The following CYP7B1 variants were observed in gnomAD, a reference collection of about 807,000 sequenced individuals.
CYP7B1 encodes cytochrome P450 family 7 subfamily B member 1, also known as cytochrome P450 7B1.
CYP7B1 carries 29 observed loss-of-function variants against 42.7 expected under a neutral mutation model. That is an observed-to-expected ratio of 0.68 (90% CI 0.51 to 0.93). The LOEUF is 0.93. CYP7B1 is among the 40% of genes least tolerant of loss of function. The pLI is 0.00. For synonymous variants in CYP7B1, 235 were observed against 218.2 expected (o/e 1.08, Z -0.68); for missense variants, 655 against 600.5 (o/e 1.09, Z -0.95).
chr8:64,720,145 A>AT (rs923043289), intron 1 of CYP7B1, among the ~76,000 whole-genome samples: 1 of 152,176 alleles, frequency 6.6e-6, no homozygotes, highest in Non-Finnish European at 1.5e-5. Flanking sequence ...ATAGCTAAGG[A>AT]TTTTTTAATG....
At chr8:64,628,478 TC>T (rs1472873874) in intron 1 of CYP7B1, among the ~76,000 whole-genome samples, 2 of 151,908 alleles carry the variant, frequency 1.3e-5, no homozygotes, top group Non-Finnish European at 2.9e-5. Flanking sequence ...AAAACCTTTC[TC>T]TACTAAAACT....
chr8:64,681,297 C>T (rs1007866457), intron 1 of CYP7B1, among the ~76,000 whole-genome samples: 14 of 152,130 alleles, frequency 9.2e-5, no homozygotes, highest in African/African-American at 2.4e-4. Context: ...CCAGTCGTCA[C>T]GGAGTGTGTC....
rs1227608079 is a variant in CYP7B1 at position 64,591,379 on chromosome 8, A to G, written c.*5263T>C. Among the ~76,000 whole-genome samples the G allele has an allele frequency of 1.3e-5, 2 of 152,222 alleles. No individual in the cohort carries two copies. Among genetic ancestry groups the G allele is most frequent in the Admixed American group, 6.5e-5 (1 of 15,284 alleles). The stretch of plus-strand genomic sequence containing the variant: ...ATCTAATTATGCAATACAAGTAAAC[A>G]ATAGTTTGCAAGATTGGCAAATTTA... On this transcript the variant is annotated 3_prime_UTR_variant, in exon 6 of 6. Transcript: ENST00000310193.
chr8:64,619,451 T>G (rs1035872253), intron 2 of CYP7B1, among the ~76,000 whole-genome samples: 1 of 152,182 alleles, frequency 6.6e-6, no homozygotes, highest in South Asian at 2.1e-4. Flanking sequence ...AATATTGATT[T>G]AAAGAATTTC....
chr8:64,613,007 T>C (rs1277626673), intron 4 of CYP7B1, among the ~76,000 whole-genome samples: 2 of 152,170 alleles, frequency 1.3e-5, no homozygotes, highest in Non-Finnish European at 2.9e-5. Flanking sequence ...TAAAACCTTC[T>C]ATCTTTTGAA....
At chr8:64,791,757 A>C (rs1804622228) in intron 1 of CYP7B1, among the ~76,000 whole-genome samples, 1 of 152,326 alleles carries the variant, frequency 6.6e-6, no homozygotes, top group South Asian at 2.1e-4. Context: ...ACTAATATAG[A>C]TTTGTGGTAC....
intron 4 of CYP7B1, among the ~76,000 whole-genome samples, chr8:64,614,017 G>C (rs1468833586): frequency 6.6e-6 from 1 of 152,116 alleles, no homozygotes; most frequent in Non-Finnish European, 1.5e-5. Context: ...TAAAGAAACA[G>C]AAATATGTGA....
At chr8:64,750,268 T>A (rs1807707103) in intron 1 of CYP7B1, among the ~76,000 whole-genome samples, 1 of 152,200 alleles carries the variant, frequency 6.6e-6, no homozygotes, top group African/African-American at 2.4e-5. Flanking sequence ...TTTACCTCAC[T>A]TTAAAGAGTA....
At chr8:64,688,794 G>A (rs1053127645) in intron 1 of CYP7B1, among the ~76,000 whole-genome samples, 1 of 152,148 alleles carries the variant, frequency 6.6e-6, no homozygotes, top group Non-Finnish European at 1.5e-5. Flanking sequence ...AAGCACACTG[G>A]TGTGCACCTG....
At chr8:64,798,078 AAC>A (rs1228548515) in intron 1 of CYP7B1, among the ~76,000 whole-genome samples, 1 of 152,200 alleles carries the variant, frequency 6.6e-6, no homozygotes, top group Non-Finnish European at 1.5e-5. Flanking sequence ...ATTTTCTTGA[AAC>A]AGTTCTCTTT....
chr8:64,645,447 G>A (rs1232392818), intron 1 of CYP7B1, among the ~76,000 whole-genome samples: 3 of 151,946 alleles, frequency 2.0e-5, no homozygotes, highest in Non-Finnish European at 4.4e-5. Flanking sequence ...TTTAATGATT[G>A]CCATTCTAAC....
At chr8:64,698,575 T>A (rs1454793933) in intron 1 of CYP7B1, among the ~76,000 whole-genome samples, 1 of 152,128 alleles carries the variant, frequency 6.6e-6, no homozygotes, top group Non-Finnish European at 1.5e-5. Context: ...AGACACAAAA[T>A]AATTATATGA....
intron 1 of CYP7B1, chr8:64,703,690 T>C (rs929925868): frequency 3.3e-5 from 5 of 152,078 alleles, no homozygotes; most frequent in African/African-American, 1.2e-4. Flanking sequence ...GACACGTGAT[T>C]GTTTTAATCT....
intron 1 of CYP7B1, among the ~76,000 whole-genome samples, chr8:64,737,776 T>G (rs1434524070): frequency 2.0e-5 from 3 of 152,172 alleles, no homozygotes; most frequent in African/African-American, 7.2e-5. Context: ...TTCTTCTGAC[T>G]TGTGTTTTTG....
chr8:64,741,283 C>T (rs1189540607), intron 1 of CYP7B1, among the ~76,000 whole-genome samples: 17 of 151,924 alleles, frequency 1.1e-4, no homozygotes, highest in Admixed American at 7.9e-4. Context: ...ATTTTCTTTG[C>T]GCATAACATG....
At chr8:64,763,905 C>T (rs2129633781) in intron 1 of CYP7B1, among the ~76,000 whole-genome samples, 1 of 152,350 alleles carries the variant, frequency 6.6e-6, no homozygotes, top group East Asian at 1.9e-4. Flanking sequence ...CCCCAAAATT[C>T]TCCTTAGCTC....
intron 2 of CYP7B1, among the ~76,000 whole-genome samples, chr8:64,619,154 G>A (rs752955727): frequency 3.9e-5 from 6 of 152,176 alleles, no homozygotes; most frequent in Non-Finnish European, 8.8e-5. Flanking sequence ...GCTAATGTGA[G>A]ATGCAAAACC....
chr8:64,629,139 A>C (rs952009539), intron 1 of CYP7B1, among the ~76,000 whole-genome samples: 3 of 151,760 alleles, frequency 2.0e-5, no homozygotes, highest in African/African-American at 7.3e-5. Context: ...AGGCAGGAGA[A>C]TCGCTTGAAC....
chr8:64,615,847 T>G lies in CYP7B1; in HGVS notation c.694A>C (p.Ile232Leu). 6.2e-7 allele frequency: 1 copy of G among 1,613,712 alleles called. No homozygotes were observed. The change falls in exon 3 of 6, where the codon ATT becomes CTT. Residue 232 changes from isoleucine to leucine, a missense_variant. Ile to Leu is a conservative substitution (Grantham distance 5). Transcript: ENST00000310193. Reference protein sequence around the residue: ...KFAYLVSNIPIELLGNVKSIR... With the variant: ...KFAYLVSNIPLELLGNVKSIR... Reference sequence around the variant, plus strand: ...GACTTGACATTTCCTAGAAGCTCAATGGGTATGTTGGATACTAAATATGCA... The same window carrying G: ...GACTTGACATTTCCTAGAAGCTCAAGGGGTATGTTGGATACTAAATATGCA...
Sources: allele counts gnomAD v4.1 joint callset (sites outside exome capture counted in the v4.1 genomes callset), GRCh38; gene constraint gnomAD v4.1.1; transcripts MANE v1.5; gene names NCBI Gene and HGNC (gene_info 2026-07-23, HGNC 2026-07-21).